Variants in ZHX1 observed in about 807,000 individuals in gnomAD.
The protein encoded by ZHX1 is zinc fingers and homeoboxes protein 1.
Under a neutral mutation model 61.8 loss-of-function variants are expected in ZHX1, and 20 were observed. The observed-to-expected ratio is 0.32, with a 90% CI of 0.23 to 0.47. ZHX1 has a LOEUF of 0.47. Ranked by LOEUF, ZHX1 falls within the 20% of genes least tolerant of loss-of-function variation. ZHX1 has a pLI of 1.00. For synonymous variants in ZHX1, 318 were observed against 352.6 expected, an observed-to-expected ratio of 0.90 and a Z score of 1.10; for missense variants, 800 against 1,034.8, an observed-to-expected ratio of 0.77 and a Z score of 3.11.
chr8:123,265,159 A>G (rs1465059971), intron 2 of ZHX1, among the ~76,000 whole-genome samples: 1 of 150,778 alleles, frequency 6.6e-6, no homozygotes, highest in East Asian at 2.0e-4. Context: ...ATTGCACTCC[A>G]GCCTGGATGA....
At chr8:123,263,689 C>G (rs1351187400) in intron 2 of ZHX1, among the ~76,000 whole-genome samples, 3 of 152,124 alleles carry the variant, frequency 2.0e-5, no homozygotes, top group Admixed American at 6.6e-5. Flanking sequence ...CAAAAATTAG[C>G]TGAGTGTGGT....
chr8:123,256,858 C>T (rs558381291), intron 2 of ZHX1, among the ~76,000 whole-genome samples: 27 of 152,042 alleles, frequency 1.8e-4, no homozygotes, highest in Admixed American at 3.9e-4. Context: ...AAGCATGCTT[C>T]AAGTATGGCA....
chr8:123,258,714 T>A (rs1233759983), intron 2 of ZHX1, among the ~76,000 whole-genome samples: 1 of 152,186 alleles, frequency 6.6e-6, no homozygotes, highest in Non-Finnish European at 1.5e-5. Context: ...GAGAACAGTA[T>A]CTGAAATTCA....
At chr8:123,275,020 G>C (rs557088130), upstream of ZHX1, among the ~76,000 whole-genome samples, 6 of 152,244 alleles carry the variant, frequency 3.9e-5, no homozygotes, top group South Asian at 6.2e-4. Flanking sequence ...GCTCCTCCGC[G>C]GGCCGCAGCT....
chr8:123,265,860 T>C (rs1222661788), intron 2 of ZHX1, among the ~76,000 whole-genome samples: 1 of 152,242 alleles, frequency 6.6e-6, no homozygotes, highest in African/African-American at 2.4e-5. Flanking sequence ...TGTCAGAGGA[T>C]ACCTTTGCTA....
rs1825877509 is a variant in ZHX1, at chr8:123,250,022, A to C, written c.*302T>G. 9.5e-6 allele frequency: 3 copies of C among 316,012 alleles called. No homozygotes were observed. The highest frequency in any genetic ancestry group is 1.9e-5 in the Non-Finnish European group (3 of 162,080). The allele number at this position is 316,012 out of a possible 1,614,324, so 19.6% of individuals were successfully genotyped here. ...CTAGTGGTCATTAAACCCCCTCAGA[A>C]AGTCTAAGATTCAGAATGTCTCCAT... On this transcript the variant is annotated 3_prime_UTR_variant, in exon 4 of 4. Coordinates refer to ENST00000395571, the MANE Select transcript of ZHX1 (RefSeq NM_007222.5).
chr8:123,250,797 AT>A (rs1825895832), intron 3 of ZHX1, among the ~76,000 whole-genome samples: 2 of 152,214 alleles, frequency 1.3e-5, no homozygotes, highest in Non-Finnish European at 2.9e-5. Flanking sequence ...GTGAAAAATT[AT>A]TTTACTCAGC....
At chr8:123,268,557 T>C (rs1034318495) in intron 1 of ZHX1, among the ~76,000 whole-genome samples, 2 of 152,112 alleles carry the variant, frequency 1.3e-5, no homozygotes, top group Admixed American at 6.6e-5. Flanking sequence ...AGTGGCGCAA[T>C]ATCGAATCAC....
At chr8:123,256,889 T>C (rs1393882671) in intron 2 of ZHX1, 1 of 152,100 alleles carries the variant, frequency 6.6e-6, no homozygotes, top group Non-Finnish European at 1.5e-5. Context: ...AGATGGAGGA[T>C]GAATGATCAA....
Position 123,254,880 on chromosome 8 carries a change from A to T in ZHX1, c.1067T>A (p.Phe356Tyr). ...EEVEEARRKQ[F>Y]NGTVHTVPQT... ...AGGTACAGTATGCACTGTTCCATTG[A>T]ATTGTTTCCTTCTTGCCTCCTCTAC... The change falls in exon 3 of 4, where the codon TTC becomes TAC. Residue 356 changes from phenylalanine (F) to tyrosine (Y), a missense_variant. Phe to Tyr is a conservative substitution (Grantham distance 22). Coordinates refer to ENST00000395571, the MANE Select transcript of ZHX1 (RefSeq NM_007222.5). The surrounding 1 kb of genome is among the most constrained non-coding windows in gnomAD (Gnocchi z 4.1). 1 of 1,614,184 alleles carries T rather than the reference A, an allele frequency of 6.2e-7. No individual in the cohort carries two copies. Among genetic ancestry groups the T allele is most frequent in the Non-Finnish European group, 8.5e-7 (1 of 1,180,018 alleles).
In ZHX1 at chr8:123,255,840, G is replaced by A. The variant is rs772134208; in HGVS notation, c.107C>T (p.Thr36Ile). The change falls in exon 3 of 4, where the codon ACA (threonine) becomes ATA (isoleucine). Residue 36 changes from threonine (T) to isoleucine (I), a missense_variant. By Grantham distance (89) the Thr-to-Ile change is moderately conservative. Coordinates refer to ENST00000395571, the MANE Select transcript of ZHX1 (RefSeq NM_007222.5). ...SDLDEGPPVL[T>I]PVENTRAESI... is the part of the protein sequence containing the mutation. ...CTCTGCTCTGGTGTTTTCTACAGGTGTAAGCACAGGAGGACCTTCATCCAA... is the reference window on the plus strand; with the variant it reads ...CTCTGCTCTGGTGTTTTCTACAGGTATAAGCACAGGAGGACCTTCATCCAA... 6.2e-7 allele frequency: 1 copy of A among 1,614,174 alleles called. No homozygotes were observed. The highest frequency in any genetic ancestry group is 8.5e-7 in the Non-Finnish European group (1 of 1,180,032).
intron 2 of ZHX1, among the ~76,000 whole-genome samples, chr8:123,265,443 T>C (rs932095678): frequency 7.9e-5 from 12 of 152,004 alleles, no homozygotes; most frequent in Non-Finnish European, 1.8e-4. Context: ...CAACTAGAAG[T>C]TACAAATCCA....
intron 1 of ZHX1, among the ~76,000 whole-genome samples, chr8:123,270,384 T>C (rs1384923824): frequency 6.6e-6 from 1 of 152,198 alleles, no homozygotes; most frequent in Non-Finnish European, 1.5e-5. Context: ...CAATAATATA[T>C]GATATGGCTA....
rs1283367955 is a variant in ZHX1, at chr8:123,254,573, T to C, written c.1374A>G (p.Ala458=). ...PTSQSVKHET[A]LVNPDSFGIR... Reference sequence around the variant, plus strand: ...TGCCAAATGAATCAGGGTTTACCAATGCAGTTTCATGTTTGACACTTTGAG... The same window carrying C: ...TGCCAAATGAATCAGGGTTTACCAACGCAGTTTCATGTTTGACACTTTGAG... Residue 458 remains alanine, a synonymous_variant, in exon 3 of 4, where the codon GCA becomes GCG. Coordinates refer to ENST00000395571, the MANE Select transcript of ZHX1 (RefSeq NM_007222.5). The surrounding 1 kb of genome is among the most constrained non-coding windows in gnomAD (Gnocchi z 4.1). 3.1e-6 allele frequency: 5 copies of C among 1,614,118 alleles called. No homozygotes were observed. In the Admixed American group the frequency reaches 5.0e-5, roughly 16 times the overall value.
At position 123,253,679 on chromosome 8, in the gene ZHX1, CGGTCTTCCTCTTCCCCGTCCTTTG is replaced by C; in HGVS notation, c.2244_2267del (p.Lys749_Pro756del). The C allele has an allele frequency of 1.2e-6, 2 of 1,614,234 alleles. No homozygotes were observed. Among genetic ancestry groups the C allele is most frequent in the Non-Finnish European group, 1.7e-6 (2 of 1,180,038 alleles). The stretch of plus-strand genomic sequence containing the variant: ...TTTTGCTTCCTCTAGGCCGCCCACG[CGGTCTTCCTCTTCCCCGTCCTTTG>C]GGTCTCCCTCTCCCTCTTTTCCTAA... On this transcript the variant is annotated inframe_deletion, in exon 3 of 4. Coordinates refer to ENST00000395571, the MANE Select transcript of ZHX1 (RefSeq NM_007222.5).
chr8:123,264,481 A>T lies in ZHX1; in HGVS notation c.-226+2792T>A, dbSNP rs574780886. On this transcript the variant is annotated intron_variant, in intron 2 of 3. Coordinates refer to ENST00000395571, the MANE Select transcript of ZHX1 (RefSeq NM_007222.5). ...TTTCTGGCTGTTTGGACTTCAAATT[A>T]AATGATTAACAGATAACAATATGTT... 2.6e-5 allele frequency among the ~76,000 whole-genome samples: 4 copies of T among 152,348 alleles called. No individual in the cohort carries two copies. In the East Asian group the frequency reaches 7.7e-4, roughly 29 times the overall value.
At position 123,267,397 on chromosome 8, in the gene ZHX1, G is replaced by T. The variant is rs1826492423; in HGVS notation, c.-339-11C>A. ...GCAGTCTGTCTTCTCCTACAAAAAA[G>T]TCATATTTTATTATTCTAGATATAA... On this transcript the variant is annotated splice_polypyrimidine_tract_variant and intron_variant, in intron 1 of 3. Transcript: ENST00000395571. 2.3e-6 allele frequency: 2 copies of T among 858,486 alleles called. No homozygotes were observed. The highest frequency in any genetic ancestry group is 3.2e-5 in the Admixed American group (1 of 31,616). The allele number at this position is 858,486 out of a possible 1,614,324, so 53.2% of individuals were successfully genotyped here. A position where few individuals can be genotyped will look rare whatever the true frequency, so the allele number is the denominator to read the frequency against.
At chr8:123,270,215 T>G (rs1457822888) in intron 1 of ZHX1, among the ~76,000 whole-genome samples, 10 of 152,116 alleles carry the variant, frequency 6.6e-5, no homozygotes, top group African/African-American at 2.4e-4. Context: ...AAAAATATAA[T>G]TATTAGTTTA....
intron 1 of ZHX1, among the ~76,000 whole-genome samples, chr8:123,267,817 CA>C (rs1430919063): frequency 1.3e-5 from 2 of 152,102 alleles, no homozygotes; most frequent in Non-Finnish European, 2.9e-5. Context: ...GTCTGACCAA[CA>C]AGGAGAAACC....
Sources: allele counts gnomAD v4.1 joint callset (sites outside exome capture counted in the v4.1 genomes callset), GRCh38; gene constraint gnomAD v4.1.1; non-coding constraint Gnocchi (gnomAD v3.1); transcripts MANE v1.5; gene names NCBI Gene and HGNC (gene_info 2026-07-23, HGNC 2026-07-21).